Variants in MTMR8 observed in about 807,000 individuals in gnomAD.
MTMR8 encodes myotubularin related protein 8.
Under a neutral mutation model 39.3 loss-of-function variants are expected in MTMR8, and 65 were observed. The observed-to-expected ratio is 1.65, with a 90% CI of 1.35 to 2.03. MTMR8 has a LOEUF of 2.03. MTMR8 is among the 30% of genes most tolerant of loss of function. The pLI, the probability that MTMR8 is intolerant of heterozygous loss-of-function variation, is 0.00. For missense variants in MTMR8, 777 were observed against 538.9 expected (o/e 1.44, Z -4.37); for synonymous variants, 245 against 185.2 (o/e 1.32, Z -2.62).
intron 12 of MTMR8, among the ~76,000 whole-genome samples, chrX:64,272,564 T>A (rs767390258): frequency 2.7e-5 from 3 of 111,362 alleles, no homozygotes; most frequent in Non-Finnish European, 5.7e-5. Context: ...AATATATGCA[T>A]TATGGGAGTC....
At chrX:64,283,133 G>A (rs943203898) in intron 12 of MTMR8, among the ~76,000 whole-genome samples, 3 of 112,018 alleles carry the variant, frequency 2.7e-5, no homozygotes, top group African/African-American at 6.5e-5. Flanking sequence ...CCCTAATACT[G>A]CGCTTTTCCA....
At chrX:64,334,582 A>C (rs1475729535) in intron 10 of MTMR8, among the ~76,000 whole-genome samples, 6 of 105,832 alleles carry the variant, frequency 5.7e-5, no homozygotes, top group Admixed American at 3.1e-4. Context: ...AAAAAAAAAA[A>C]AAAAAAAAAA....
intron 12 of MTMR8, among the ~76,000 whole-genome samples, chrX:64,282,820 G>A (rs1249175064): frequency 1.8e-5 from 2 of 111,668 alleles, no homozygotes; most frequent in Non-Finnish European, 3.8e-5. Context: ...CATATATCTA[G>A]TAAGGAGTTA....
intron 1 of MTMR8, among the ~76,000 whole-genome samples, chrX:64,366,848 T>C (rs1421501268): frequency 9.0e-6 from 1 of 111,472 alleles, no homozygotes; most frequent in Non-Finnish European, 1.9e-5. Context: ...ACAAAATTGA[T>C]AGACCACTAG....
At chrX:64,380,264 C>A (rs1246939443) in intron 1 of MTMR8, among the ~76,000 whole-genome samples, 1 of 112,649 alleles carries the variant, frequency 8.9e-6, no homozygotes. Context: ...CAGAAATGCT[C>A]ACACGTTTCA....
At chrX:64,319,172 C>T (rs541657389) in intron 12 of MTMR8, among the ~76,000 whole-genome samples, 3 of 112,235 alleles carry the variant, frequency 2.7e-5, no homozygotes, top group Admixed American at 1.9e-4. Context: ...TAGGGAACTC[C>T]GTACCTCCAT....
At chrX:64,269,270 T>C (rs926851134) in intron 13 of MTMR8, among the ~76,000 whole-genome samples, 2 of 111,780 alleles carry the variant, frequency 1.8e-5, no homozygotes, top group East Asian at 2.8e-4. Context: ...AAGTCATCTT[T>C]TATGATAAGT....
chrX:64,370,903 AG>A (rs1569230687), intron 1 of MTMR8, among the ~76,000 whole-genome samples: 1 of 112,185 alleles, frequency 8.9e-6, no homozygotes, highest in Non-Finnish European at 1.9e-5. Flanking sequence ...CTGTAATCCC[AG>A]CACTTTGGGA....
intron 12 of MTMR8, among the ~76,000 whole-genome samples, chrX:64,306,896 TCTC>T (rs1476304833): frequency 9.0e-6 from 1 of 110,718 alleles, no homozygotes; most frequent in East Asian, 2.8e-4. Flanking sequence ...GCTGAGGCCT[TCTC>T]CTCTCCCTGT....
chrX:64,272,486 A>G (rs766149431), intron 12 of MTMR8, among the ~76,000 whole-genome samples: 9 of 111,657 alleles, frequency 8.1e-5, no homozygotes, highest in Non-Finnish European at 1.5e-4. Context: ...TCAGAAGGAC[A>G]CAAAGAAAAA....
chrX:64,271,142 C>T (rs922182171), intron 12 of MTMR8, 69 bp from the exon 13 acceptor site: 1 of 1,049,638 alleles, frequency 9.5e-7, no homozygotes, highest in Non-Finnish European at 1.3e-6. Flanking sequence ...CAATGTTTTC[C>T]TTGTGCCAAG....
chrX:64,274,915 G>A (rs1931837493), intron 12 of MTMR8, among the ~76,000 whole-genome samples: 1 of 111,618 alleles, frequency 9.0e-6, no homozygotes, highest in African/African-American at 3.3e-5. Context: ...AGGAGAGAAT[G>A]GGGAGATGTT....
At chrX:64,316,276 C>T (rs966940596) in intron 12 of MTMR8, among the ~76,000 whole-genome samples, 3 of 112,094 alleles carry the variant, frequency 2.7e-5, no homozygotes, top group African/African-American at 9.7e-5. Flanking sequence ...CTTAAGTCTT[C>T]CTTTTAAGGT....
intron 13 of MTMR8, among the ~76,000 whole-genome samples, 184 bp downstream of exon 13, chrX:64,270,763 A>G (rs2035438893): frequency 9.0e-6 from 1 of 111,683 alleles, no homozygotes; most frequent in East Asian, 2.8e-4. Context: ...TGACATATTT[A>G]CCACATTTTG....
At position 64,350,068 on chromosome X, in the gene MTMR8, T is replaced by C; in HGVS notation, c.471A>G (p.Ile157Met). The C allele has an allele frequency of 9.0e-7, 1 of 1,111,228 alleles. No individual in the cohort carries two copies. Among genetic ancestry groups the C allele is most frequent in the Non-Finnish European group, 1.2e-6 (1 of 835,076 alleles). The allele number at this position is 1,111,228 out of a possible 1,213,427, so 91.6% of individuals were successfully genotyped here. The change falls in exon 5 of 14, where the codon ATA becomes ATG. Residue 157 changes from isoleucine (I) to methionine (M), a missense_variant and splice_region_variant. By Grantham distance (10) the Ile-to-Met change is conservative. Transcript: ENST00000374852. ...CTATTTCAGGAGGGTAGGTGCTGCATATCTAAAAGAAAATAAGCACAATAT... is the reference window on the plus strand; with the variant it reads ...CTATTTCAGGAGGGTAGGTGCTGCACATCTAAAAGAAAATAAGCACAATAT... ...TITDANRNYE[I>M]CSTYPPEIVV...
At chrX:64,391,396 T>A (rs1227867641) in intron 1 of MTMR8, among the ~76,000 whole-genome samples, 2 of 112,449 alleles carry the variant, frequency 1.8e-5, no homozygotes, top group Non-Finnish European at 3.8e-5. Context: ...CACTATTCTC[T>A]AGAGTAGTTA....
chrX:64,384,661 C>G (rs1439282085), intron 1 of MTMR8, among the ~76,000 whole-genome samples: 2 of 112,503 alleles, frequency 1.8e-5, no homozygotes, highest in African/African-American at 6.5e-5. Context: ...TATATCTGGG[C>G]CCCTTTGTGC....
In MTMR8 at chrX:64,268,818, A is replaced by C. The variant is rs143056366; in HGVS notation, c.1834T>G (p.Cys612Gly). ...KSQGADLHHN[C>G]CEIVGSLRAI... ...CTAAGGCTGCCCACAATCTCACAACAGTTATGGTGGAGGTCTGCACCCTGG... is the reference window on the plus strand; with the variant it reads ...CTAAGGCTGCCCACAATCTCACAACCGTTATGGTGGAGGTCTGCACCCTGG... Residue 612 changes from cysteine to glycine, a missense_variant, in exon 14 of 14, where the codon TGT (cysteine) becomes GGT (glycine). Transcript: ENST00000374852. 1.0e-3 allele frequency: 1,260 copies of C among 1,209,499 alleles called. 1 individual carries two copies. The highest frequency in any genetic ancestry group is 1.3e-3 in the Non-Finnish European group (1,178 of 895,166).
intron 12 of MTMR8, among the ~76,000 whole-genome samples, chrX:64,321,336 T>C (rs1042156229): frequency 8.0e-5 from 9 of 112,033 alleles, no homozygotes; most frequent in African/African-American, 2.9e-4. Flanking sequence ...AAGGGAAACC[T>C]GGAGAATAGT....
Sources: gnomAD v4.1 joint callset for allele counts (sites outside exome capture counted in the v4.1 genomes callset) on GRCh38, gnomAD v4.1.1 for gene constraint, MANE v1.5 for transcripts, NCBI Gene and HGNC (gene_info 2026-07-23, HGNC 2026-07-21) for gene names.